ANTXR1: variants seen among roughly 807,000 people sequenced by gnomAD.
ANTXR1 encodes the protein ANTXR cell adhesion molecule 1, also known as anthrax toxin receptor 1.
A neutral mutation model predicts 78.1 loss-of-function variants in ANTXR1; 19 were observed. The ratio of observed to expected loss-of-function variants is 0.24; its 90% CI spans 0.17 to 0.36. ANTXR1 has a LOEUF of 0.36. Ranked by LOEUF, ANTXR1 falls within the 10% of genes least tolerant of loss-of-function variation. The probability of loss-of-function intolerance (pLI) is 1.00; values close to 1 mark genes in which losing one functional copy is unlikely to be tolerated. For missense variants in ANTXR1, 518 were observed against 718.6 expected, an observed-to-expected ratio of 0.72 and a Z score of 3.19; for synonymous variants, 273 against 260.5, an observed-to-expected ratio of 1.05 and a Z score of -0.46.
chr2:69,106,867 G>T (rs148856731), intron 10 of ANTXR1, among the ~76,000 whole-genome samples: 107 of 152,228 alleles, frequency 7.0e-4, no homozygotes, highest in African/African-American at 2.4e-3. Flanking sequence ...CAAACAAGAA[G>T]AGAGGATCAG....
chr2:69,128,101 G>C (rs150619142), intron 12 of ANTXR1, among the ~76,000 whole-genome samples: 10,555 of 152,098 alleles, frequency 0.069, 401 homozygotes, highest in Middle Eastern at 0.085. Context: ...GCACATGCCT[G>C]TAGTCCCAGC....
rs1311254290 is a variant in ANTXR1 at position 69,210,988 on chromosome 2, G to A, written c.1434+17573G>A. Among the ~76,000 whole-genome samples, 4 of 148,638 alleles carry A rather than the reference G, an allele frequency of 2.7e-5. No individual in the cohort carries two copies. The East Asian group carries it at 8.0e-4, about 30-fold the overall frequency. Reference sequence around the variant, plus strand: ...GATGGTTGTCACAAAGTGATAATTTGTTTGCCACTGGCAGTAAGATAAAGA... The same window carrying A: ...GATGGTTGTCACAAAGTGATAATTTATTTGCCACTGGCAGTAAGATAAAGA... On this transcript the variant is annotated intron_variant, in intron 17 of 17. Coordinates refer to ENST00000303714, the MANE Select transcript of ANTXR1 (RefSeq NM_032208.3).
At chr2:69,017,698 C>G (rs1476941163) in intron 1 of ANTXR1, among the ~76,000 whole-genome samples, 1 of 152,156 alleles carries the variant, frequency 6.6e-6, no homozygotes, top group East Asian at 1.9e-4. Context: ...TTCATGTTCA[C>G]TTAAACATGC....
At chr2:69,147,085 G>T (rs992275926) in intron 12 of ANTXR1, among the ~76,000 whole-genome samples, 4 of 152,238 alleles carry the variant, frequency 2.6e-5, no homozygotes, top group Non-Finnish European at 5.9e-5. Context: ...GAGGCAGTCT[G>T]CCCCAGAGCA....
chr2:69,065,285 T>A (rs1670365060), intron 3 of ANTXR1, among the ~76,000 whole-genome samples: 1 of 151,770 alleles, frequency 6.6e-6, no homozygotes, highest in African/African-American at 2.4e-5. Flanking sequence ...ATTAGCCAGG[T>A]GTGGTGGCAC....
chr2:69,242,976 G>C (rs928885814), intron 17 of ANTXR1, among the ~76,000 whole-genome samples: 1 of 152,210 alleles, frequency 6.6e-6, no homozygotes, highest in Non-Finnish European at 1.5e-5. Flanking sequence ...CGAGGAGGGG[G>C]TAAATTCTTT....
chr2:69,038,589 A>G (rs1669518206), intron 1 of ANTXR1, among the ~76,000 whole-genome samples: 1 of 152,322 alleles, frequency 6.6e-6, no homozygotes, highest in Admixed American at 6.5e-5. Flanking sequence ...TTATTTTCCC[A>G]TTTTTTTAAA....
intron 17 of ANTXR1, 127 bp from the exon 18 acceptor site, chr2:69,245,098 C>A: frequency 9.6e-7 from 1 of 1,038,866 alleles, no homozygotes; most frequent in Non-Finnish European, 1.5e-6. Context: ...CTACTATGTG[C>A]CACTAGAGAG....
intron 1 of ANTXR1, among the ~76,000 whole-genome samples, chr2:69,014,999 T>C (rs1670977592): frequency 6.6e-6 from 1 of 151,024 alleles, no homozygotes; most frequent in Non-Finnish European, 1.5e-5. Context: ...AGACAGTGCA[T>C]GAAAACAGTC....
intron 17 of ANTXR1, among the ~76,000 whole-genome samples, chr2:69,208,210 A>G (rs571175370): frequency 3.3e-5 from 5 of 152,288 alleles, no homozygotes; most frequent in Non-Finnish European, 4.4e-5. Flanking sequence ...TTGCCTAGGC[A>G]TTTGTCTGCC....
intron 1 of ANTXR1, among the ~76,000 whole-genome samples, chr2:69,028,304 C>A (rs1427406096): frequency 1.3e-5 from 2 of 152,064 alleles, no homozygotes; most frequent in East Asian, 1.9e-4. Flanking sequence ...TTCCTGGTGA[C>A]AATCTTTAAA....
chr2:69,229,901 G>A (rs1023630133), intron 17 of ANTXR1, among the ~76,000 whole-genome samples: 2 of 152,094 alleles, frequency 1.3e-5, no homozygotes, highest in African/African-American at 4.8e-5. Context: ...AAGAGATGAT[G>A]GTCAGTACCA....
At chr2:69,135,326 A>G (rs1459381293) in intron 12 of ANTXR1, among the ~76,000 whole-genome samples, 2 of 152,182 alleles carry the variant, frequency 1.3e-5, no homozygotes, top group Non-Finnish European at 2.9e-5. Flanking sequence ...TTCTGAATCT[A>G]TACTTTAGAA....
intron 1 of ANTXR1, among the ~76,000 whole-genome samples, chr2:69,021,083 G>A (rs1671175474): frequency 6.6e-6 from 1 of 152,206 alleles, no homozygotes; most frequent in Non-Finnish European, 1.5e-5. Flanking sequence ...AGATCAGTAA[G>A]AAATAAGAAG....
At chr2:69,134,514 A>T (rs10182610) in intron 12 of ANTXR1, among the ~76,000 whole-genome samples, 27,876 of 152,124 alleles carry the variant, frequency 0.18, 3,165 homozygotes, top group African/African-American at 0.31. Flanking sequence ...TTGGCAGAAT[A>T]ATGTAATCAC....
chr2:69,042,979 G>A (rs1378051900), intron 2 of ANTXR1, among the ~76,000 whole-genome samples: 1 of 152,162 alleles, frequency 6.6e-6, no homozygotes, highest in Non-Finnish European at 1.5e-5. Context: ...CCTCACTGCT[G>A]ACACTCTCTC....
chr2:69,118,359 A>C (rs1035690973), intron 10 of ANTXR1, among the ~76,000 whole-genome samples: 2 of 152,048 alleles, frequency 1.3e-5, no homozygotes, highest in African/African-American at 4.8e-5. Context: ...AAAGCACAGA[A>C]GATTGAGGCT....
intron 14 of ANTXR1, among the ~76,000 whole-genome samples, chr2:69,173,265 T>A (rs1187725994): frequency 1.3e-5 from 2 of 152,234 alleles, no homozygotes; most frequent in Non-Finnish European, 2.9e-5. Flanking sequence ...CTTGTAACTC[T>A]GGTTTGTACA....
At chr2:69,139,953 C>A (rs1009430294) in intron 12 of ANTXR1, among the ~76,000 whole-genome samples, 1 of 152,188 alleles carries the variant, frequency 6.6e-6, no homozygotes, top group African/African-American at 2.4e-5. Flanking sequence ...TTCAACACCC[C>A]ACTTCCAAGA....
Sources: allele counts gnomAD v4.1 joint callset (sites outside exome capture counted in the v4.1 genomes callset), GRCh38; gene constraint gnomAD v4.1.1; transcripts MANE v1.5; gene names NCBI Gene and HGNC (gene_info 2026-07-23, HGNC 2026-07-21).